SLC39A14: variants seen among roughly 807,000 people sequenced by gnomAD.
SLC39A14 encodes solute carrier family 39 member 14.
SLC39A14 carries 19 observed loss-of-function variants against 45.5 expected under a neutral mutation model. The observed-to-expected ratio is 0.42, with a 90% confidence interval of 0.29 to 0.61. The LOEUF (loss-of-function observed/expected upper bound fraction) is 0.61, where lower values mean the gene tolerates loss of function less well. Ranked by LOEUF, SLC39A14 falls within the 20% of genes least tolerant of loss-of-function variation. The pLI, the probability that SLC39A14 is intolerant of heterozygous loss-of-function variation, is 0.22. For synonymous variants in SLC39A14, 264 were observed against 251.3 expected, an observed-to-expected ratio of 1.05 and a Z score of -0.48; for missense variants, 447 against 616.5, an observed-to-expected ratio of 0.73 and a Z score of 2.91.
At chr8:22,398,663 G>C in intron 1 of SLC39A14, 1 of 955,498 alleles carries the variant, frequency 1.0e-6, no homozygotes, top group Non-Finnish European at 1.2e-6. Flanking sequence ...TCACAGAAGT[G>C]AATGTTTGCT....
At chr8:22,387,306 A>C (rs1240687846) in intron 1 of SLC39A14, among the ~76,000 whole-genome samples, 1 of 152,094 alleles carries the variant, frequency 6.6e-6, no homozygotes, top group Non-Finnish European at 1.5e-5. Flanking sequence ...TACTGTGAAT[A>C]GTGCTGCCAT....
At position 22,420,839 on chromosome 8, in the gene SLC39A14, G is replaced by T. The variant is rs190721332; in HGVS notation, c.*1141G>T. On this transcript the variant is annotated 3_prime_UTR_variant, in exon 9 of 9. Transcript: ENST00000381237. ...CATCGCAGATGTTTGCAGAATGGTTGGCCTAATGATTATGCTACAGATGGG... is the reference window on the plus strand; with the variant it reads ...CATCGCAGATGTTTGCAGAATGGTTTGCCTAATGATTATGCTACAGATGGG... 29 of 985,404 alleles carry T rather than the reference G, an allele frequency of 2.9e-5. No homozygotes were observed. The East Asian group carries it at 2.8e-3, about 96-fold the overall frequency. 61.0% of individuals were successfully genotyped at this position (985,404 alleles called of 1,614,324 possible).
chr8:22,417,646 T>C lies in SLC39A14; in HGVS notation c.1148-5T>C. The C allele has an allele frequency of 1.2e-6, 2 of 1,612,388 alleles. No homozygotes were observed. Among genetic ancestry groups the C allele is most frequent in the Non-Finnish European group, 1.7e-6 (2 of 1,179,140 alleles). On this transcript the variant is annotated splice_polypyrimidine_tract_variant and splice_region_variant and intron_variant, in intron 7 of 8. Coordinates refer to ENST00000381237, the MANE Select transcript of SLC39A14 (RefSeq NM_001128431.4). Reference sequence around the variant, plus strand: ...TCCCTCCCCTTTTCATTCTCGCTGCTGTAGGAGACTTTGTCATCCTGCTCA... The same window carrying C: ...TCCCTCCCCTTTTCATTCTCGCTGCCGTAGGAGACTTTGTCATCCTGCTCA...
chr8:22,430,118 G>A (rs937992793), intron 8 of SLC39A14, among the ~76,000 whole-genome samples: 1 of 152,190 alleles, frequency 6.6e-6, no homozygotes, highest in Non-Finnish European at 1.5e-5. Flanking sequence ...AGACCACTTC[G>A]GGAAAGGAGA....
At chr8:22,410,261 A>T (rs1835493978) in intron 3 of SLC39A14, 2 of 808,200 alleles carry the variant, frequency 2.5e-6, no homozygotes, top group Non-Finnish European at 4.0e-6. Flanking sequence ...GCCACAAACG[A>T]CTTCTAACTC....
chr8:22,398,299 A>T (rs913807542), intron 1 of SLC39A14: 2 of 152,186 alleles, frequency 1.3e-5, no homozygotes, highest in Admixed American at 6.6e-5. Flanking sequence ...CCTGCAGCTG[A>T]CTCTGACCCC....
chr8:22,397,492 G>A (rs1834562549), intron 1 of SLC39A14, among the ~76,000 whole-genome samples: 1 of 152,098 alleles, frequency 6.6e-6, no homozygotes, highest in Non-Finnish European at 1.5e-5. Context: ...GCGGGAGAAT[G>A]GCGTGAACCC....
At chr8:22,423,807 T>TCTCTCTCTCTCTCTCTCTCG (rs1409139134), downstream of SLC39A14, among the ~76,000 whole-genome samples, 1 of 150,554 alleles carries the variant, frequency 6.6e-6, no homozygotes, top group Non-Finnish European at 1.5e-5. Flanking sequence ...TCTCTCTCTC[T>TCTCTCTCTCTCTCTCTCTCG]CTCTCATCTA....
intron 1 of SLC39A14, among the ~76,000 whole-genome samples, chr8:22,372,231 C>T (rs1004724307): frequency 2.6e-4 from 40 of 151,166 alleles, no homozygotes; most frequent in South Asian, 1.9e-3. Flanking sequence ...ATTTTTTTTT[C>T]CTACTAGGCT....
At chr8:22,399,673 T>G (rs1309251840) in intron 1 of SLC39A14, among the ~76,000 whole-genome samples, 1 of 152,220 alleles carries the variant, frequency 6.6e-6, no homozygotes, top group African/African-American at 2.4e-5. Context: ...GTGGGCTCAT[T>G]CTTCTGATGG....
chr8:22,432,896 A>G (rs1003325591), intron 8 of SLC39A14, among the ~76,000 whole-genome samples: 4 of 143,118 alleles, frequency 2.8e-5, no homozygotes, highest in African/African-American at 7.8e-5. Context: ...CAGGTGATCC[A>G]CCCACCTCAG....
intron 2 of SLC39A14, among the ~76,000 whole-genome samples, chr8:22,406,951 G>A (rs1024965663): frequency 3.3e-5 from 5 of 152,172 alleles, no homozygotes; most frequent in African/African-American, 2.4e-5. Context: ...ATGTGAGACC[G>A]AACTCAGAAA....
At chr8:22,427,928 G>A (rs1392298409) in intron 8 of SLC39A14, among the ~76,000 whole-genome samples, 1 of 151,784 alleles carries the variant, frequency 6.6e-6, no homozygotes, top group Non-Finnish European at 1.5e-5. Flanking sequence ...CAGTGCATTG[G>A]GAGATTGAGA....
intron 3 of SLC39A14, among the ~76,000 whole-genome samples, chr8:22,408,997 T>G (rs1835401050): frequency 6.6e-6 from 1 of 152,022 alleles, no homozygotes; most frequent in South Asian, 2.1e-4. Flanking sequence ...ATTTTTAAAT[T>G]TTTTGTAGAG....
intron 1 of SLC39A14, among the ~76,000 whole-genome samples, chr8:22,391,008 A>G (rs897665707): frequency 6.6e-6 from 1 of 152,176 alleles, no homozygotes; most frequent in East Asian, 1.9e-4. Context: ...TTCTTGTGCC[A>G]TAGCTATCTG....
intron 1 of SLC39A14, among the ~76,000 whole-genome samples, chr8:22,400,300 G>T (rs960896722): frequency 6.6e-6 from 1 of 152,204 alleles, no homozygotes; most frequent in East Asian, 1.9e-4. Flanking sequence ...TGTCTGTTAC[G>T]TGGAGTAAGT....
chr8:22,412,102 G>C lies in SLC39A14; in HGVS notation c.523G>C (p.Val175Leu), dbSNP rs1208620017. Residue 175 changes from valine (V) to leucine (L), a missense_variant, in exon 4 of 9, where the codon GTG becomes CTG. This residue lies in a region of SLC39A14 where 342 missense variants were observed against 428.1 expected (regional missense o/e 0.80). Coordinates refer to ENST00000381237, the MANE Select transcript of SLC39A14 (RefSeq NM_001128431.4). ...SLCSLLGASV[V>L]PFMKKTFYKR... ...CTGCTCCCTCCTGGGGGCCAGCGTG[G>C]TGCCCTTCATGAAGAAGACCTTTTA... 1.3e-6 allele frequency: 2 copies of C among 1,551,568 alleles called. No homozygotes were observed. The highest frequency in any genetic ancestry group is 1.7e-6 in the Non-Finnish European group (2 of 1,147,004).
intron 1 of SLC39A14, among the ~76,000 whole-genome samples, chr8:22,392,424 G>C (rs1480976352): frequency 2.6e-5 from 4 of 152,154 alleles, no homozygotes; most frequent in Admixed American, 2.0e-4. Flanking sequence ...TTGGCCACTA[G>C]ATCATTCTTT....
At chr8:22,430,100 C>T (rs1337925625) in intron 8 of SLC39A14, among the ~76,000 whole-genome samples, 1 of 152,224 alleles carries the variant, frequency 6.6e-6, no homozygotes, top group Non-Finnish European at 1.5e-5. Context: ...TCAAAGTTGA[C>T]AGGAGTCAGA....
Sources: gnomAD v4.1 joint callset for allele counts (sites outside exome capture counted in the v4.1 genomes callset) on GRCh38, gnomAD v4.1.1 for gene constraint, gnomAD v4.1.1 regional missense constraint, MANE v1.5 for transcripts, NCBI Gene and HGNC (gene_info 2026-07-23, HGNC 2026-07-21) for gene names.